The following MEF2B variants were observed in gnomAD, a reference collection of about 807,000 sequenced individuals.
The protein encoded by MEF2B is myocyte-specific enhancer factor 2B.
MEF2B carries 15 observed loss-of-function variants against 32.2 expected under a neutral mutation model. The ratio of observed to expected loss-of-function variants is 0.47; its 90% CI spans 0.31 to 0.72. MEF2B has a LOEUF of 0.72. MEF2B is among the 30% of genes least tolerant of loss of function. The probability of loss-of-function intolerance (pLI) is 0.05; values close to 1 mark genes in which losing one functional copy is unlikely to be tolerated. For synonymous variants in MEF2B, 205 were observed against 225.6 expected, an observed-to-expected ratio of 0.91 and a Z score of 0.82; for missense variants, 441 against 511.5, an observed-to-expected ratio of 0.86 and a Z score of 1.33.
chr19:19,166,536 A>G (rs1397110668), intron 1 of MEF2B, among the ~76,000 whole-genome samples: 4 of 146,592 alleles, frequency 2.7e-5, no homozygotes, highest in East Asian at 2.1e-4. Context: ...CAGGAGGACC[A>G]TTTGAGCTCA....
chr19:19,158,680 C>A (rs1430497006), intron 1 of MEF2B, among the ~76,000 whole-genome samples: 2 of 151,646 alleles, frequency 1.3e-5, no homozygotes, highest in Admixed American at 1.3e-4. Flanking sequence ...ATCACTTGAG[C>A]CCAGGAGGTG....
At position 19,147,983 on chromosome 19, in the gene MEF2B, A is replaced by G. The variant is rs2060041965; in HGVS notation, c.259-151T>C. On this transcript the variant is annotated intron_variant, in intron 3 of 8. Coordinates refer to ENST00000424583, the MANE Select transcript of MEF2B (RefSeq NM_001145785.2). Reference sequence around the variant, plus strand: ...CTGCTCTAGCCAAACCCCACTGACCAAACCCCGGTGAGTTACCAGCTAGCA... The same window carrying G: ...CTGCTCTAGCCAAACCCCACTGACCGAACCCCGGTGAGTTACCAGCTAGCA... The G allele has an allele frequency of 7.4e-6, 10 of 1,344,220 alleles. No homozygotes were observed. The South Asian group carries it at 1.6e-4, about 21-fold the overall frequency. 83.3% of individuals were successfully genotyped at this position (1,344,220 alleles called of 1,614,324 possible). A position where few individuals can be genotyped will look rare whatever the true frequency, so the allele number is the denominator to read the frequency against.
intron 1 of MEF2B, 45 bp downstream of exon 1, chr19:19,170,160 C>T (rs1039639412): frequency 5.0e-6 from 2 of 398,444 alleles, no homozygotes; most frequent in Non-Finnish European, 8.8e-6. Flanking sequence ...CCGCAGAAGC[C>T]GTTCAGAGGA....
chr19:19,157,314 G>A (rs1198728852), intron 1 of MEF2B: 2 of 152,974 alleles, frequency 1.3e-5, no homozygotes, highest in African/African-American at 4.8e-5. Flanking sequence ...GTTTTCTACA[G>A]CTTCATACAT....
chr19:19,169,681 C>T (rs2060237342), intron 1 of MEF2B, among the ~76,000 whole-genome samples: 1 of 152,278 alleles, frequency 6.6e-6, no homozygotes, highest in Admixed American at 6.5e-5. Flanking sequence ...ACTCTTGTTC[C>T]TGTACCCATT....
Position 19,149,381 on chromosome 19 carries a change from G to T in MEF2B, c.103C>A (p.Leu35Met). Residue 35 changes from leucine (L) to methionine (M), a missense_variant, in exon 3 of 9, where the codon CTG (leucine) becomes ATG (methionine). Leu to Met is a conservative substitution (Grantham distance 15). Transcript: ENST00000424583. ...KFGLMKKAYE[L>M]SVLCDCEIAL... ...ATCTCACAGTCACAGAGCACGCTCA[G>T]CTCATAGGCCTTCTTCATCAGCCCG... 1 of 1,614,052 alleles carries T rather than the reference G, an allele frequency of 6.2e-7. No homozygotes were observed. The highest frequency in any genetic ancestry group is 8.5e-7 in the Non-Finnish European group (1 of 1,180,038).
intron 4 of MEF2B, 98 bp from the exon 5 acceptor site, chr19:19,147,281 C>A: frequency 1.0e-6 from 1 of 965,150 alleles, no homozygotes; most frequent in Non-Finnish European, 1.3e-6. Flanking sequence ...CCCAGCTCTA[C>A]CTTCAGGAAG....
intron 1 of MEF2B, among the ~76,000 whole-genome samples, chr19:19,169,835 G>C: frequency 6.6e-6 from 1 of 152,122 alleles, no homozygotes; most frequent in East Asian, 1.9e-4. Context: ...TAATGCTAAA[G>C]GAGTGCACAC....
At chr19:19,157,651 A>C (rs888751369) in intron 1 of MEF2B, among the ~76,000 whole-genome samples, 2 of 152,154 alleles carry the variant, frequency 1.3e-5, no homozygotes, top group Non-Finnish European at 1.5e-5. Flanking sequence ...AGTTTGAGAC[A>C]AGCCTGGCCA....
chr19:19,152,647 T>C lies in MEF2B; in HGVS notation c.-29-1883A>G, dbSNP rs541506483. 2.6e-5 allele frequency among the ~76,000 whole-genome samples: 4 copies of C among 152,298 alleles called. No individual in the cohort carries two copies. The South Asian group carries it at 8.3e-4, about 32-fold the overall frequency. Reference sequence around the variant, plus strand: ...TGAACCTGGGAGGCGGAGGTTGCAGTGAGCCGAGATCCCGAGATTTTGACA... The same window carrying C: ...TGAACCTGGGAGGCGGAGGTTGCAGCGAGCCGAGATCCCGAGATTTTGACA... On this transcript the variant is annotated intron_variant, in intron 1 of 8. Transcript: ENST00000424583.
In MEF2B at chr19:19,170,207, G is replaced by A. The variant is rs1468227751; in HGVS notation, c.-32C>T. Reference sequence around the variant, plus strand: ...TCTCAACCCGATATGACACGCACCTGCTCGGCCTGGGCCCTGGGACGCTGG... The same window carrying A: ...TCTCAACCCGATATGACACGCACCTACTCGGCCTGGGCCCTGGGACGCTGG... On this transcript the variant is annotated splice_region_variant and 5_prime_UTR_variant, in exon 1 of 9. Coordinates refer to ENST00000424583, the MANE Select transcript of MEF2B (RefSeq NM_001145785.2). 1 of 398,510 alleles carries A rather than the reference G, an allele frequency of 2.5e-6. No homozygotes were observed. The highest frequency in any genetic ancestry group is 4.4e-6 in the Non-Finnish European group (1 of 225,974). 24.7% of individuals were successfully genotyped at this position (398,510 alleles called of 1,614,324 possible). A position where few individuals can be genotyped will look rare whatever the true frequency, so the allele number is the denominator to read the frequency against.
At chr19:19,148,469 A>T (rs1199682895) in intron 3 of MEF2B, among the ~76,000 whole-genome samples, 1 of 152,152 alleles carries the variant, frequency 6.6e-6, no homozygotes, top group African/African-American at 2.4e-5. Context: ...ATTCTCAAAA[A>T]AAGAAAAAAA....
rs185891209 is a variant in MEF2B, at chr19:19,155,222, C to T, written c.-29-4458G>A. The stretch of plus-strand genomic sequence containing the variant: ...TGGCATTCAAGTCTTCTTCCCAAAT[C>T]AGCTCTTGCCTACTTCTCTCTCTTC... On this transcript the variant is annotated intron_variant, in intron 1 of 8. Transcript: ENST00000424583. Among the ~76,000 whole-genome samples, 30 of 152,310 alleles carry T rather than the reference C, an allele frequency of 2.0e-4. No homozygotes were observed. The East Asian group carries it at 4.8e-3, about 24-fold the overall frequency.
intron 1 of MEF2B, among the ~76,000 whole-genome samples, chr19:19,151,273 T>C (rs2060077814): frequency 6.6e-6 from 1 of 151,616 alleles, no homozygotes; most frequent in African/African-American, 2.4e-5. Flanking sequence ...AACAGAATAA[T>C]AGAAACGCCT....
intron 3 of MEF2B, among the ~76,000 whole-genome samples, 177 bp downstream of exon 3, chr19:19,149,049 C>G (rs1042811112): frequency 6.6e-6 from 1 of 151,682 alleles, no homozygotes; most frequent in Non-Finnish European, 1.5e-5. Context: ...GAAGGGCTCC[C>G]CCACTCCCAA....
chr19:19,159,241 TAAAAAAA>T (rs35056015), intron 1 of MEF2B, among the ~76,000 whole-genome samples: 1 of 88,012 alleles, frequency 1.1e-5, no homozygotes, highest in Non-Finnish European at 2.1e-5. Flanking sequence ...GTGCGTGGCC[TAAAAAAA>T]AAAAAAAAAA....
chr19:19,150,295 C>T (rs569737034), intron 2 of MEF2B, among the ~76,000 whole-genome samples: 3 of 150,900 alleles, frequency 2.0e-5, no homozygotes, highest in East Asian at 4.0e-4. Flanking sequence ...TTTGGGAGGC[C>T]GAGGCGGGCA....
At chr19:19,154,204 C>G (rs980475729) in intron 1 of MEF2B, among the ~76,000 whole-genome samples, 3 of 151,986 alleles carry the variant, frequency 2.0e-5, no homozygotes, top group Non-Finnish European at 4.4e-5. Flanking sequence ...TGCTGTGTCA[C>G]CCCGGCTGAA....
At chr19:19,160,030 G>A (rs947643308) in intron 1 of MEF2B, among the ~76,000 whole-genome samples, 4 of 150,372 alleles carry the variant, frequency 2.7e-5, no homozygotes, top group South Asian at 2.1e-4. Flanking sequence ...GTGCAGTGGC[G>A]TGATCTCGGC....
Sources: gnomAD v4.1 joint callset for allele counts (sites outside exome capture counted in the v4.1 genomes callset) on GRCh38, gnomAD v4.1.1 for gene constraint, MANE v1.5 for transcripts, NCBI Gene and HGNC (gene_info 2026-07-23, HGNC 2026-07-21) for gene names.